The following ZNF341 variants were observed in gnomAD, a reference collection of about 807,000 sequenced individuals.
ZNF341 encodes the protein zinc finger protein 341.
A neutral mutation model predicts 87.7 loss-of-function variants in ZNF341; 52 were observed. The observed-to-expected ratio is 0.59, with a 90% CI of 0.47 to 0.75. ZNF341 has a LOEUF of 0.75. Among genes scored for constraint, ZNF341 ranks in the 30% least tolerant of loss-of-function variants. The pLI is 0.00. For synonymous variants in ZNF341, 459 were observed against 472.7 expected (o/e 0.97, Z 0.38); for missense variants, 977 against 1,145.9 (o/e 0.85, Z 2.13).
intron 5 of ZNF341, 138 bp from the exon 6 acceptor site, chr20:33,757,010 G>A (rs571337141): frequency 7.7e-5 from 51 of 663,098 alleles, no homozygotes; most frequent in Non-Finnish European, 1.1e-4. Flanking sequence ...TTGGGTGACC[G>A]GGCCAGGTGG....
intron 14 of ZNF341, 148 bp downstream of exon 14, chr20:33,789,736 C>T: frequency 1.2e-6 from 1 of 850,660 alleles, no homozygotes; most frequent in Non-Finnish European, 1.9e-6. Context: ...CTTATGTGGG[C>T]TATGAGCCAG....
rs1455063211 is a variant in ZNF341 at position 33,732,217 on chromosome 20, C to T, written c.31+165C>T. On this transcript the variant is annotated intron_variant, in intron 1 of 14. Transcript: ENST00000375200. The surrounding 1 kb of genome is among the most constrained non-coding windows in gnomAD (Gnocchi z 4.5). ...GGCGCGGGCGGGAACAGCGCGGGAGCCGAGGCCCGGCGGGGGAGCTCCGGG... is the reference window on the plus strand; with the variant it reads ...GGCGCGGGCGGGAACAGCGCGGGAGTCGAGGCCCGGCGGGGGAGCTCCGGG... Among the ~76,000 whole-genome samples the T allele has an allele frequency of 4.0e-5, 6 of 148,624 alleles. No individual in the cohort carries two copies. In the East Asian group the frequency reaches 1.2e-3, roughly 30 times the overall value.
At chr20:33,752,286 G>A (rs538657612) in intron 4 of ZNF341, 3 of 597,092 alleles carry the variant, frequency 5.0e-6, no homozygotes, top group South Asian at 2.8e-5. Context: ...CTGGACAACC[G>A]CACACGGATG....
intron 12 of ZNF341, chr20:33,787,354 C>G (rs375136416): frequency 4.6e-5 from 7 of 152,116 alleles, no homozygotes; most frequent in African/African-American, 1.7e-4. Context: ...GGAGATCTTT[C>G]CAGATCAGGA....
chr20:33,772,746 G>A (rs572219722), intron 10 of ZNF341, among the ~76,000 whole-genome samples: 31 of 152,226 alleles, frequency 2.0e-4, no homozygotes, highest in African/African-American at 6.5e-4. Flanking sequence ...GAGTGGAAGC[G>A]GGAGGGAGAT....
In ZNF341 at chr20:33,783,825, C is replaced by T. The variant is rs371062629; in HGVS notation, c.1813C>T (p.Arg605Trp). ...KCQVCKKFFR[R>W]EHYLKLHAHI... ...CCAAGTGTGCAAGAAGTTCTTCCGG[C>T]GGGAGCATTATCTCAAACTGCATGC... is the stretch of plus-strand genomic sequence containing the variant. Residue 605 changes from arginine (R) to tryptophan (W), a missense_variant, in exon 12 of 15, where the codon CGG becomes TGG. Arg to Trp is a moderately radical substitution (Grantham distance 101). Around this residue, in one of 3 missense-constraint regions of ZNF341, gnomAD observed 241 missense variants for 335.0 expected, o/e 0.72. Transcript: ENST00000375200. 16 of 1,613,644 alleles carry T rather than the reference C, an allele frequency of 9.9e-6. No individual in the cohort carries two copies. The highest frequency in any genetic ancestry group is 1.4e-5 in the Non-Finnish European group (16 of 1,179,798).
At chr20:33,770,043 C>A in intron 9 of ZNF341, 41 bp from the exon 10 acceptor site, 1 of 1,461,508 alleles carries the variant, frequency 6.8e-7, no homozygotes, top group South Asian at 1.2e-5. Context: ...GTGGAGGAAG[C>A]TCTCCTGCCT....
At chr20:33,734,415 G>A (rs2122619901) in intron 1 of ZNF341, among the ~76,000 whole-genome samples, 1 of 152,334 alleles carries the variant, frequency 6.6e-6, no homozygotes, top group East Asian at 1.9e-4. Context: ...GTGGCAGTGG[G>A]GGGTCGGGGT....
At chr20:33,759,240 G>C (rs1866723684) in intron 7 of ZNF341, among the ~76,000 whole-genome samples, 2 of 152,190 alleles carry the variant, frequency 1.3e-5, no homozygotes, top group Admixed American at 1.3e-4. Context: ...TGTGGAAGGG[G>C]AGGCTGGGCT....
intron 5 of ZNF341, among the ~76,000 whole-genome samples, chr20:33,756,322 A>G (rs1414222001): frequency 6.6e-6 from 1 of 151,162 alleles, no homozygotes; most frequent in African/African-American, 2.4e-5. Flanking sequence ...GAAGTGGAGC[A>G]GCTGGGGGAG....
chr20:33,772,010 TAAAAAAAAAAA>T lies in ZNF341; in HGVS notation c.1622+1733_1622+1743del, dbSNP rs57345366. On this transcript the variant is annotated intron_variant, in intron 10 of 14. Coordinates refer to ENST00000375200, the MANE Select transcript of ZNF341 (RefSeq NM_001282933.2). Reference sequence around the variant, plus strand: ...GCCTGAGCGACAGAGACGCTTGTCTTAAAAAAAAAAAAAAAAAAAAAAAAAGATCTTCACGT... The same window carrying T: ...GCCTGAGCGACAGAGACGCTTGTCTTAAAAAAAAAAAAAAGATCTTCACGT... Among the ~76,000 whole-genome samples the T allele has an allele frequency of 1.2e-3, 67 of 56,164 alleles. 2 individuals carry two copies. In the South Asian group the frequency reaches 0.02, roughly 17 times the overall value. 36.8% of individuals were successfully genotyped at this position (56,164 alleles called of 152,430 possible). A position where few individuals can be genotyped will look rare whatever the true frequency, so the allele number is the denominator to read the frequency against.
At chr20:33,764,543 G>GTGTATATATATATATATA (rs1332743148) in intron 8 of ZNF341, among the ~76,000 whole-genome samples, 45 of 69,332 alleles carry the variant, frequency 6.5e-4, no homozygotes, top group East Asian at 1.3e-3. Context: ...GTGTGTATGT[G>GTGTATATATATATATATA]TATATATATA....
At position 33,788,984 on chromosome 20, in the gene ZNF341, G is replaced by T. The variant is rs752183906; in HGVS notation, c.1964+10G>T. The stretch of plus-strand genomic sequence containing the variant: ...ACAAATGCCCTTTCTCGTGAGTAGA[G>T]ACTGCCATGCAGGGGGGTGGGTAGC... On this transcript the variant is annotated intron_variant, in intron 13 of 14. Coordinates refer to ENST00000375200, the MANE Select transcript of ZNF341 (RefSeq NM_001282933.2). The T allele has an allele frequency of 1.9e-6, 3 of 1,608,104 alleles. No individual in the cohort carries two copies. In the South Asian group the frequency reaches 3.3e-5, roughly 18 times the overall value.
At chr20:33,739,761 T>C (rs1344738108) in intron 1 of ZNF341, among the ~76,000 whole-genome samples, 1 of 152,158 alleles carries the variant, frequency 6.6e-6, no homozygotes, top group Non-Finnish European at 1.5e-5. Context: ...CACAGTGGCT[T>C]CAACAGGCTG....
intron 10 of ZNF341, among the ~76,000 whole-genome samples, chr20:33,780,890 A>G (rs2019727516): frequency 6.6e-6 from 1 of 151,832 alleles, no homozygotes; most frequent in Non-Finnish European, 1.5e-5. Context: ...AATTTTTCAT[A>G]GGGATAGGGG....
intron 2 of ZNF341, among the ~76,000 whole-genome samples, chr20:33,741,922 G>C (rs2018811823): frequency 6.6e-6 from 1 of 152,174 alleles, no homozygotes; most frequent in Non-Finnish European, 1.5e-5. Flanking sequence ...CAATTGTTCT[G>C]CCTCATAGGA....
At chr20:33,758,922 G>C in intron 7 of ZNF341, 116 bp downstream of exon 7, 1 of 828,954 alleles carries the variant, frequency 1.2e-6, no homozygotes, top group Non-Finnish European at 2.0e-6. Context: ...GGCTGCACTT[G>C]CATGTTCAGG....
At chr20:33,764,605 C>T (rs1270375932) in intron 8 of ZNF341, among the ~76,000 whole-genome samples, 1 of 84,680 alleles carries the variant, frequency 1.2e-5, no homozygotes, top group Non-Finnish European at 2.2e-5. Context: ...TGGAGTCTTG[C>T]TCTGTCGCCC....
rs1487009723 is a variant in ZNF341 at position 33,732,240 on chromosome 20, G to A, written c.31+188G>A. 6.7e-6 allele frequency among the ~76,000 whole-genome samples: 1 copy of A among 150,060 alleles called. No homozygotes were observed. The highest frequency in any genetic ancestry group is 1.5e-5 in the Non-Finnish European group (1 of 67,270). Reference sequence around the variant, plus strand: ...AGCCGAGGCCCGGCGGGGGAGCTCCGGGGCCGGAACAGCCGGGGAGAGCCA... The same window carrying A: ...AGCCGAGGCCCGGCGGGGGAGCTCCAGGGCCGGAACAGCCGGGGAGAGCCA... On this transcript the variant is annotated intron_variant, in intron 1 of 14. Transcript: ENST00000375200. This position sits in a 1 kb window ranked among gnomAD's most constrained non-coding sequence, Gnocchi z 4.5.
Sources: gnomAD v4.1 joint callset for allele counts (sites outside exome capture counted in the v4.1 genomes callset) on GRCh38, gnomAD v4.1.1 for gene constraint, gnomAD v4.1.1 regional missense constraint, Gnocchi (gnomAD v3.1) non-coding constraint, MANE v1.5 for transcripts, NCBI Gene and HGNC (gene_info 2026-07-23, HGNC 2026-07-21) for gene names.